The following NUTF2 variants were observed in gnomAD, a reference collection of about 807,000 sequenced individuals.
The protein encoded by NUTF2 is placental protein 15.
In NUTF2, 3 loss-of-function variants were observed where a neutral mutation model predicts 18.5. The ratio of observed to expected loss-of-function variants is 0.16; its 90% CI spans 0.07 to 0.42. NUTF2 has a LOEUF of 0.42. Among genes scored for constraint, NUTF2 ranks in the 10% least tolerant of loss-of-function variants. NUTF2 has a pLI of 0.99. For synonymous variants in NUTF2, 51 were observed against 57.9 expected (o/e 0.88, Z 0.54); for missense variants, 44 against 160.7 (o/e 0.27, Z 3.93).
chr16:67,850,846 G>C (rs1363207604), intron 1 of NUTF2, among the ~76,000 whole-genome samples: 1 of 151,958 alleles, frequency 6.6e-6, no homozygotes, highest in Non-Finnish European at 1.5e-5. Flanking sequence ...TGTTGCCCAG[G>C]CTGGAGTGCA....
chr16:67,862,916 G>T (rs1227868519), intron 1 of NUTF2, among the ~76,000 whole-genome samples: 1 of 152,154 alleles, frequency 6.6e-6, no homozygotes, highest in Non-Finnish European at 1.5e-5. Context: ...CTGAGCCAAG[G>T]GTAGAAGGAG....
chr16:67,866,776 T>A (rs1162870731), intron 2 of NUTF2, among the ~76,000 whole-genome samples: 1 of 151,810 alleles, frequency 6.6e-6, no homozygotes, highest in Non-Finnish European at 1.5e-5. Flanking sequence ...TACACCTAAT[T>A]TTTGTATTTT....
At chr16:67,857,995 A>G (rs2057908918) in intron 1 of NUTF2, among the ~76,000 whole-genome samples, 1 of 152,210 alleles carries the variant, frequency 6.6e-6, no homozygotes, top group African/African-American at 2.4e-5. Context: ...CACTTAGTCA[A>G]CAAATAGTTT....
intron 1 of NUTF2, among the ~76,000 whole-genome samples, chr16:67,857,610 A>C (rs2057906477): frequency 1.3e-5 from 2 of 152,174 alleles, no homozygotes; most frequent in Non-Finnish European, 2.9e-5. Context: ...GTCCTGCTCC[A>C]TACCCCATTC....
intron 2 of NUTF2, among the ~76,000 whole-genome samples, chr16:67,866,582 C>T (rs1335186732): frequency 6.6e-6 from 1 of 152,108 alleles, no homozygotes; most frequent in East Asian, 1.9e-4. Context: ...TCTCCCATCT[C>T]AGCCTCCCAA....
In NUTF2 at chr16:67,872,331, G is replaced by A. The variant is rs753634587; in HGVS notation, c.*1418G>A. ...CGGGTGGAGGCTAAGGACCTCCTCA[G>A]ATCCCACAGATTGCCTGGTGACATT... On this transcript the variant is annotated 3_prime_UTR_variant, in exon 5 of 5. Transcript: ENST00000219169. The A allele has an allele frequency of 3.3e-5, 5 of 152,300 alleles. No homozygotes were observed. The highest frequency in any genetic ancestry group is 6.5e-5 in the Admixed American group (1 of 15,286). The allele number at this position is 152,300 out of a possible 1,614,324, so 9.4% of individuals were successfully genotyped here.
intron 1 of NUTF2, among the ~76,000 whole-genome samples, chr16:67,861,929 A>T (rs2151298555): frequency 6.6e-6 from 1 of 151,566 alleles, no homozygotes; most frequent in East Asian, 1.9e-4. Context: ...TGGACTCAAG[A>T]GTGTTGCCTC....
chr16:67,852,369 CCCAGGCTGGAGTGAAGTGTCA>C (rs1252720925), intron 1 of NUTF2, among the ~76,000 whole-genome samples: 3 of 149,498 alleles, frequency 2.0e-5, no homozygotes, highest in Non-Finnish European at 4.4e-5. Flanking sequence ...TTTTTTTTCA[CCCAGGCTGGAGTGAAGTGTCA>C]CTCTTGCCCA....
At chr16:67,847,600 G>C (rs1182816692) in intron 1 of NUTF2, 1 of 152,474 alleles carries the variant, frequency 6.6e-6, no homozygotes, top group Non-Finnish European at 1.5e-5. Context: ...GTGGAGCCCG[G>C]ACTGGAGTTC....
At chr16:67,855,957 A>G in intron 1 of NUTF2, 1 of 1,140,728 alleles carries the variant, frequency 8.8e-7, no homozygotes. Flanking sequence ...GTCCAGCCTC[A>G]GAACTTCTGG....
intron 1 of NUTF2, among the ~76,000 whole-genome samples, chr16:67,860,488 C>T (rs2057928162): frequency 6.6e-6 from 1 of 152,072 alleles, no homozygotes; most frequent in South Asian, 2.1e-4. Context: ...TGAGGCTGGT[C>T]TGGAACTCCT....
At chr16:67,847,350 C>G (rs942850573) in intron 1 of NUTF2, 2 of 152,416 alleles carry the variant, frequency 1.3e-5, no homozygotes, top group Admixed American at 6.5e-5. Flanking sequence ...GCCCCGCAAG[C>G]TCTGCAGGCT....
chr16:67,860,880 A>G (rs1174140350), intron 1 of NUTF2, among the ~76,000 whole-genome samples: 5 of 152,226 alleles, frequency 3.3e-5, no homozygotes, highest in African/African-American at 1.2e-4. Flanking sequence ...AGATGGTAGA[A>G]CAGGGTTGTG....
chr16:67,861,094 G>A (rs1006813108), intron 1 of NUTF2, among the ~76,000 whole-genome samples: 11 of 152,178 alleles, frequency 7.2e-5, no homozygotes, highest in African/African-American at 2.4e-4. Flanking sequence ...CCAGGCCCAC[G>A]TTGTCACTAG....
intron 1 of NUTF2, among the ~76,000 whole-genome samples, chr16:67,860,430 A>G (rs2057927840): frequency 6.6e-6 from 1 of 152,156 alleles, no homozygotes; most frequent in Non-Finnish European, 1.5e-5. Context: ...GTGAACCACC[A>G]TGCCCGGCTA....
intron 1 of NUTF2, among the ~76,000 whole-genome samples, chr16:67,859,141 C>T (rs2057917519): frequency 6.6e-6 from 1 of 151,972 alleles, no homozygotes; most frequent in Admixed American, 6.6e-5. Context: ...TGAGCCACCA[C>T]ACCCGCAAGA....
chr16:67,859,598 TC>T (rs1052068138), intron 1 of NUTF2, among the ~76,000 whole-genome samples: 8 of 151,910 alleles, frequency 5.3e-5, no homozygotes, highest in African/African-American at 1.9e-4. Context: ...CCTCAGGTGA[TC>T]CACCCGCCTC....
chr16:67,865,723 T>G (rs1307918256), intron 2 of NUTF2, among the ~76,000 whole-genome samples: 1 of 150,854 alleles, frequency 6.6e-6, no homozygotes, highest in Non-Finnish European at 1.5e-5. Context: ...GCTGCTCTTT[T>G]TTTTTTTTTT....
At chr16:67,848,755 AAG>A (rs1004336481) in intron 1 of NUTF2, among the ~76,000 whole-genome samples, 2 of 151,326 alleles carry the variant, frequency 1.3e-5, no homozygotes, top group African/African-American at 2.4e-5. Context: ...AAAAAAGAAA[AAG>A]AAAAAAAAAA....
Sources: allele counts gnomAD v4.1 joint callset (sites outside exome capture counted in the v4.1 genomes callset), GRCh38; gene constraint gnomAD v4.1.1; transcripts MANE v1.5; gene names NCBI Gene and HGNC (gene_info 2026-07-23, HGNC 2026-07-21).